Variants in CCDC171 observed in about 807,000 individuals in gnomAD.
CCDC171 encodes coiled-coil domain containing 171.
Under a neutral mutation model 168.2 loss-of-function variants are expected in CCDC171, and 177 were observed. The observed-to-expected ratio is 1.05, with a 90% confidence interval of 0.93 to 1.19. CCDC171 has a LOEUF of 1.19. Ranked by LOEUF, CCDC171 falls within the 50% of genes most tolerant of loss-of-function variation. The probability of loss-of-function intolerance (pLI) is 0.00; values close to 1 mark genes in which losing one functional copy is unlikely to be tolerated. For missense variants in CCDC171, 1,991 were observed against 1,539.0 expected, an observed-to-expected ratio of 1.29 and a Z score of -4.91; for synonymous variants, 687 against 540.8, an observed-to-expected ratio of 1.27 and a Z score of -3.75.
intron 18 of CCDC171, among the ~76,000 whole-genome samples, chr9:15,764,287 CA>C (rs1196134874): frequency 6.6e-6 from 1 of 152,172 alleles, no homozygotes; most frequent in Non-Finnish European, 1.5e-5. Flanking sequence ...GGAAGAATGA[CA>C]AGATGTGATT....
chr9:15,974,761 A>G (rs151291604), downstream of CCDC171, among the ~76,000 whole-genome samples: 1,201 of 152,312 alleles, frequency 7.9e-3, 25 homozygotes, highest in African/African-American at 0.027. Flanking sequence ...TTTACCAAAT[A>G]TCTGACTCTT....
chr9:15,727,503 C>T (rs1157909048), intron 14 of CCDC171, among the ~76,000 whole-genome samples: 1 of 152,074 alleles, frequency 6.6e-6, no homozygotes, highest in East Asian at 1.9e-4. Flanking sequence ...TACTGAGTTA[C>T]AGTTAGATAG....
intron 6 of CCDC171, among the ~76,000 whole-genome samples, chr9:16,031,202 TA>T (rs1833359781): frequency 6.6e-6 from 1 of 152,210 alleles, no homozygotes; most frequent in South Asian, 2.1e-4. Context: ...CCTGCATTTG[TA>T]AAAATAGCTT....
At position 15,585,849 on chromosome 9, in the gene CCDC171, G is replaced by A. The variant is rs72706647; in HGVS notation, c.353-5517G>A. On this transcript the variant is annotated intron_variant, in intron 4 of 25. Transcript: ENST00000380701. ...AAACTAGCCAGGCATGGTAGTGCAC[G>A]CCTGTAATTTCAACTACTCAGGAGG... 5.8e-3 allele frequency among the ~76,000 whole-genome samples: 882 copies of A among 152,072 alleles called. 15 individuals carry two copies. The highest frequency in any genetic ancestry group is 0.021 in the East Asian group (107 of 5,168).
At chr9:15,647,646 G>C (rs1020448246) in intron 7 of CCDC171, among the ~76,000 whole-genome samples, 1 of 152,064 alleles carries the variant, frequency 6.6e-6, no homozygotes, top group Admixed American at 6.5e-5. Flanking sequence ...AGAAAATCTA[G>C]AAGAAATGCA....
At chr9:15,646,231 A>G (rs2047025388) in intron 7 of CCDC171, among the ~76,000 whole-genome samples, 1 of 152,236 alleles carries the variant, frequency 6.6e-6, no homozygotes, top group South Asian at 2.1e-4. Context: ...CTGCCTTACA[A>G]GAGCTCCTGA....
chr9:16,037,995 C>T (rs2133051102), upstream of CCDC171, among the ~76,000 whole-genome samples: 1 of 152,226 alleles, frequency 6.6e-6, no homozygotes, highest in East Asian at 1.9e-4. Flanking sequence ...ATTCAAACTT[C>T]AAGTCCACTA....
chr9:15,770,150 T>G (rs1221743327), intron 18 of CCDC171, among the ~76,000 whole-genome samples: 1 of 152,220 alleles, frequency 6.6e-6, no homozygotes, highest in Non-Finnish European at 1.5e-5. Flanking sequence ...AATACTATAT[T>G]TGTAAATCAG....
intron 6 of CCDC171, among the ~76,000 whole-genome samples, chr9:16,031,719 A>C (rs1833366939): frequency 6.6e-6 from 1 of 152,188 alleles, no homozygotes. Context: ...CATAATATGT[A>C]ACCACTTCCT....
At chr9:15,628,941 C>A (rs988620601) in intron 7 of CCDC171, among the ~76,000 whole-genome samples, 1 of 152,210 alleles carries the variant, frequency 6.6e-6, no homozygotes, top group Admixed American at 6.5e-5. Context: ...GGACCTCTAG[C>A]AAACTCCAGC....
At chr9:15,746,514 C>A (rs574298021) in intron 18 of CCDC171, among the ~76,000 whole-genome samples, 1 of 152,272 alleles carries the variant, frequency 6.6e-6, no homozygotes, top group African/African-American at 2.4e-5. Context: ...AAATAAAAGT[C>A]TAAACTAAAT....
Position 15,830,481 on chromosome 9 carries a change from C to G in CCDC171, c.3268-16221C>G, listed in dbSNP as rs113383679. Among the ~76,000 whole-genome samples the G allele has an allele frequency of 1.4e-4, 21 of 152,232 alleles. 3 individuals carry two copies. Among genetic ancestry groups the G allele is most frequent in the African/African-American group, 5.1e-4 (21 of 41,546 alleles). On this transcript the variant is annotated intron_variant, in intron 21 of 25. Coordinates refer to ENST00000380701, the MANE Select transcript of CCDC171 (RefSeq NM_173550.4). The stretch of plus-strand genomic sequence containing the variant: ...GACTTTCCCCTAAACAAACAAAACC[C>G]TATAACAGCTGCCTGGCCTTTTCAA...
intron 1 of CCDC171, among the ~76,000 whole-genome samples, chr9:16,050,651 T>C (rs1833737034): frequency 6.6e-6 from 1 of 152,236 alleles, no homozygotes; most frequent in South Asian, 2.1e-4. Flanking sequence ...ACCACAAAAG[T>C]GCATTATCAC....
At chr9:15,951,568 A>G (rs1213582176) in intron 25 of CCDC171, among the ~76,000 whole-genome samples, 1 of 151,916 alleles carries the variant, frequency 6.6e-6, no homozygotes, top group Non-Finnish European at 1.5e-5. Context: ...AGCCGTTCTA[A>G]TGGGTAGGAG....
chr9:15,623,096 T>G (rs2044637373), intron 6 of CCDC171, among the ~76,000 whole-genome samples, 171 bp from the exon 7 acceptor site: 1 of 152,196 alleles, frequency 6.6e-6, no homozygotes, highest in South Asian at 2.1e-4. Context: ...TTTAAACACA[T>G]GGACATTCTG....
intron 6 of CCDC171, among the ~76,000 whole-genome samples, chr9:16,027,923 G>A (rs1427226710): frequency 6.6e-6 from 1 of 152,202 alleles, no homozygotes; most frequent in Non-Finnish European, 1.5e-5. Flanking sequence ...AGCATATCAA[G>A]TTATATCTTC....
intron 1 of CCDC171, among the ~76,000 whole-genome samples, chr9:15,559,695 C>A (rs7860623): frequency 6.6e-6 from 1 of 151,942 alleles, no homozygotes; most frequent in African/African-American, 2.4e-5. Context: ...ATTTGCCAGT[C>A]TGTGTCTTTT....
rs185591231 is a variant in CCDC171 at position 15,959,448 on chromosome 9, A to G, written c.3754-12161A>G. Among the ~76,000 whole-genome samples, 4 of 152,340 alleles carry G rather than the reference A, an allele frequency of 2.6e-5. No homozygotes were observed. In the East Asian group the frequency reaches 7.7e-4, roughly 29 times the overall value. ...TAAGCAAACATACAGTAAAGAAGAGATGAAGTAGGAAACAGCGAAGTCTGA... is the reference window on the plus strand; with the variant it reads ...TAAGCAAACATACAGTAAAGAAGAGGTGAAGTAGGAAACAGCGAAGTCTGA... On this transcript the variant is annotated intron_variant, in intron 25 of 25. Coordinates refer to ENST00000380701, the MANE Select transcript of CCDC171 (RefSeq NM_173550.4).
chr9:15,844,754 T>A (rs1231351638), intron 21 of CCDC171, among the ~76,000 whole-genome samples: 3 of 152,118 alleles, frequency 2.0e-5, no homozygotes, highest in Non-Finnish European at 4.4e-5. Flanking sequence ...AAGATTTAGC[T>A]ATGTAGTAGA....
Sources: gnomAD v4.1 joint callset for allele counts (sites outside exome capture counted in the v4.1 genomes callset) on GRCh38, gnomAD v4.1.1 for gene constraint, MANE v1.5 for transcripts, NCBI Gene and HGNC (gene_info 2026-07-23, HGNC 2026-07-21) for gene names.